DOK6: variants seen among roughly 807,000 people sequenced by gnomAD.
The protein encoded by DOK6 is docking protein 6.
Under a neutral mutation model 44.0 loss-of-function variants are expected in DOK6, and 22 were observed. That is an observed-to-expected ratio of 0.50 (90% CI 0.36 to 0.71). DOK6 has a LOEUF of 0.71. Among genes scored for constraint, DOK6 ranks in the 30% least tolerant of loss-of-function variants. DOK6 has a pLI of 0.00. For synonymous variants in DOK6, 166 were observed against 145.5 expected (o/e 1.14, Z -1.01); for missense variants, 340 against 416.4 (o/e 0.82, Z 1.60).
At chr18:69,807,005 T>C (rs1981069142) in intron 7 of DOK6, among the ~76,000 whole-genome samples, 1 of 151,968 alleles carries the variant, frequency 6.6e-6, no homozygotes, top group Non-Finnish European at 1.5e-5. Context: ...CATAGTTTTA[T>C]TGTCAGTTTA....
At chr18:69,809,209 A>G (rs953523969) in intron 7 of DOK6, among the ~76,000 whole-genome samples, 1 of 151,740 alleles carries the variant, frequency 6.6e-6, no homozygotes, top group Non-Finnish European at 1.5e-5. Flanking sequence ...AAATTATATA[A>G]TCATCTCAGA....
At chr18:69,645,745 T>C (rs1985056279) in intron 3 of DOK6, among the ~76,000 whole-genome samples, 1 of 152,162 alleles carries the variant, frequency 6.6e-6, no homozygotes, top group South Asian at 2.1e-4. Context: ...TCATAGCAGC[T>C]TTACTTGTAA....
chr18:69,694,879 T>C (rs1258440229), intron 4 of DOK6, among the ~76,000 whole-genome samples: 1 of 152,232 alleles, frequency 6.6e-6, no homozygotes, highest in Non-Finnish European at 1.5e-5. Flanking sequence ...ATAGTTGGAA[T>C]ACACATATCT....
intron 1 of DOK6, among the ~76,000 whole-genome samples, chr18:69,512,545 T>C (rs1736739526): frequency 6.6e-6 from 1 of 152,068 alleles, no homozygotes; most frequent in Non-Finnish European, 1.5e-5. Flanking sequence ...AGTTTTGCCA[T>C]GTTGGCCAGG....
At chr18:69,582,439 A>G (rs1250236259) in intron 2 of DOK6, among the ~76,000 whole-genome samples, 3 of 151,736 alleles carry the variant, frequency 2.0e-5, no homozygotes, top group African/African-American at 4.8e-5. Context: ...GGTTGGTCTC[A>G]GGTTTAGGAA....
At chr18:69,712,276 G>GTC (rs1467967835) in intron 5 of DOK6, among the ~76,000 whole-genome samples, 28 of 56,066 alleles carry the variant, frequency 5.0e-4, no homozygotes, top group African/African-American at 2.1e-3. Context: ...GCGAGACTCC[G>GTC]TCTCAAAAAA....
At chr18:69,645,673 C>G (rs1483600509) in intron 3 of DOK6, among the ~76,000 whole-genome samples, 1 of 151,938 alleles carries the variant, frequency 6.6e-6, no homozygotes, top group Non-Finnish European at 1.5e-5. Flanking sequence ...ATGCCTGAGC[C>G]TTTATCCCAG....
At chr18:69,539,269 A>G (rs1982203851) in intron 1 of DOK6, among the ~76,000 whole-genome samples, 1 of 152,238 alleles carries the variant, frequency 6.6e-6, no homozygotes, top group African/African-American at 2.4e-5. Flanking sequence ...ATTTATTACC[A>G]GATAGGCAAA....
Position 69,825,490 on chromosome 18 carries a change from C to A in DOK6, c.857-15754C>A, listed in dbSNP as rs530334514. On this transcript the variant is annotated intron_variant, in intron 7 of 7. Coordinates refer to ENST00000382713, the MANE Select transcript of DOK6 (RefSeq NM_152721.6). ...TTGCTCTGTCACCCAGACTGGAATG[C>A]AGTGGCACGATCTCGGCTCACTGCA... is the stretch of plus-strand genomic sequence containing the variant. Among the ~76,000 whole-genome samples the A allele has an allele frequency of 3.2e-3, 409 of 126,616 alleles. 1 individual carries two copies. Among genetic ancestry groups the A allele is most frequent in the Non-Finnish European group, 5.0e-3 (323 of 64,304 alleles). 83.1% of individuals were successfully genotyped at this position (126,616 alleles called of 152,430 possible).
At chr18:69,601,934 C>T (rs1199643113) in intron 3 of DOK6, among the ~76,000 whole-genome samples, 3 of 152,014 alleles carry the variant, frequency 2.0e-5, no homozygotes, top group Non-Finnish European at 4.4e-5. Flanking sequence ...AATTTGAATA[C>T]TAAAATAAAG....
At chr18:69,752,213 A>G (rs1394354390) in intron 6 of DOK6, among the ~76,000 whole-genome samples, 1 of 152,184 alleles carries the variant, frequency 6.6e-6, no homozygotes, top group East Asian at 1.9e-4. Flanking sequence ...AAACCCAAAT[A>G]TATAAATTCA....
At chr18:69,707,554 T>C (rs941661240) in intron 5 of DOK6, among the ~76,000 whole-genome samples, 2 of 151,426 alleles carry the variant, frequency 1.3e-5, no homozygotes, top group Middle Eastern at 3.4e-3. Context: ...TAGGATCAAG[T>C]ATTAGGATCA....
intron 1 of DOK6, among the ~76,000 whole-genome samples, chr18:69,531,779 C>G (rs1463790302): frequency 1.3e-5 from 2 of 152,108 alleles, no homozygotes; most frequent in Non-Finnish European, 2.9e-5. Flanking sequence ...TACCTTGAAA[C>G]ATTTAGATAT....
chr18:69,433,914 A>C (rs979150672), intron 1 of DOK6, among the ~76,000 whole-genome samples: 1 of 152,200 alleles, frequency 6.6e-6, no homozygotes, highest in African/African-American at 2.4e-5. Flanking sequence ...TACTATATAA[A>C]GTTTTCCCAA....
At chr18:69,744,902 G>A (rs1978933207) in intron 6 of DOK6, among the ~76,000 whole-genome samples, 2 of 145,534 alleles carry the variant, frequency 1.4e-5, no homozygotes, top group South Asian at 4.5e-4. Flanking sequence ...CTCCAGCCTG[G>A]GTAACAGTAG....
chr18:69,424,846 C>T (rs2122413549), intron 1 of DOK6, among the ~76,000 whole-genome samples: 1 of 152,190 alleles, frequency 6.6e-6, no homozygotes, highest in South Asian at 2.1e-4. Flanking sequence ...TGTGCATGAG[C>T]TTGTTAAACA....
At chr18:69,704,782 A>C (rs1428068824) in intron 5 of DOK6, among the ~76,000 whole-genome samples, 2 of 152,134 alleles carry the variant, frequency 1.3e-5, no homozygotes, top group African/African-American at 4.8e-5. Context: ...CTAGGCCGAT[A>C]TGACTTCTTA....
At chr18:69,457,799 T>G (rs1434037554) in intron 1 of DOK6, among the ~76,000 whole-genome samples, 1 of 152,198 alleles carries the variant, frequency 6.6e-6, no homozygotes, top group Non-Finnish European at 1.5e-5. Flanking sequence ...GTTTGTGTCA[T>G]CTCAGATTTA....
At chr18:69,575,552 G>A (rs1983218923) in intron 2 of DOK6, among the ~76,000 whole-genome samples, 1 of 151,920 alleles carries the variant, frequency 6.6e-6, no homozygotes, top group Non-Finnish European at 1.5e-5. Context: ...AGATTATTGA[G>A]AGCTACAAAT....
Sources: gnomAD v4.1 joint callset for allele counts (sites outside exome capture counted in the v4.1 genomes callset) on GRCh38, gnomAD v4.1.1 for gene constraint, MANE v1.5 for transcripts, NCBI Gene and HGNC (gene_info 2026-07-23, HGNC 2026-07-21) for gene names.